Variants in FAR2 observed in about 807,000 individuals in gnomAD.
FAR2 encodes fatty acyl-CoA reductase 2.
A neutral mutation model predicts 56.0 loss-of-function variants in FAR2; 19 were observed. The observed-to-expected ratio is 0.34, with a 90% CI of 0.24 to 0.50. The LOEUF is 0.50. Ranked by LOEUF, FAR2 falls within the 20% of genes least tolerant of loss-of-function variation. The pLI is 0.98. For synonymous variants in FAR2, 219 were observed against 218.8 expected (o/e 1.00, Z -0.01); for missense variants, 508 against 642.2 (o/e 0.79, Z 2.26).
intron 1 of FAR2, among the ~76,000 whole-genome samples, chr12:29,152,929 G>A (rs1164596345): frequency 1.3e-5 from 2 of 152,154 alleles, no homozygotes; most frequent in Non-Finnish European, 2.9e-5. Flanking sequence ...GGGTGCCCAG[G>A]GACCACAGTG....
At chr12:29,237,018 A>G (rs1364627213) in intron 1 of FAR2, among the ~76,000 whole-genome samples, 2 of 152,184 alleles carry the variant, frequency 1.3e-5, no homozygotes, top group East Asian at 3.8e-4. Context: ...TTATTTTGGC[A>G]AATTTGTGTA....
chr12:29,256,544 A>G (rs942041217), intron 1 of FAR2, among the ~76,000 whole-genome samples: 1 of 152,152 alleles, frequency 6.6e-6, no homozygotes, highest in East Asian at 1.9e-4. Context: ...CTTTGGCGGC[A>G]CTTGAGGAGC....
intron 1 of FAR2, among the ~76,000 whole-genome samples, chr12:29,265,927 C>G (rs1490645398): frequency 6.6e-6 from 1 of 152,274 alleles, no homozygotes; most frequent in East Asian, 1.9e-4. Flanking sequence ...CTCAACATCA[C>G]TGATCATTAG....
intron 9 of FAR2, 27 bp from the exon 10 acceptor site, chr12:29,321,768 T>C (rs2136812414): frequency 6.2e-7 from 1 of 1,610,282 alleles, no homozygotes; most frequent in South Asian, 1.1e-5. Context: ...TGCGCTGATA[T>C]TTACTCCTAT....
At chr12:29,322,809 C>G (rs747545489) in intron 10 of FAR2, among the ~76,000 whole-genome samples, 1 of 152,190 alleles carries the variant, frequency 6.6e-6, no homozygotes, top group Non-Finnish European at 1.5e-5. Flanking sequence ...TATCAGATGG[C>G]TGTATTTTCC....
At chr12:29,285,209 C>CCCCGGGCTTT (rs1591928115) in intron 2 of FAR2, among the ~76,000 whole-genome samples, 1 of 67,922 alleles carries the variant, frequency 1.5e-5, no homozygotes, top group Non-Finnish European at 2.9e-5. Context: ...GTTCATGCTT[C>CCCCGGGCTTT]GCTGTATAAA....
In FAR2 at chr12:29,293,493, T is replaced by C; in HGVS notation, c.365+18T>C. 6.6e-7 allele frequency: 1 copy of C among 1,504,504 alleles called. No individual in the cohort carries two copies. Among genetic ancestry groups the C allele is most frequent in the Non-Finnish European group, 8.9e-7 (1 of 1,124,756 alleles). The allele number at this position is 1,504,504 out of a possible 1,614,324, so 93.2% of individuals were successfully genotyped here. ...ACTCTCAGGTACATTCCCATTTCCC[T>C]CTCATGGCTTGTATACATATGTGTG... On this transcript the variant is annotated intron_variant, in intron 3 of 11. Coordinates refer to ENST00000536681, the MANE Select transcript of FAR2 (RefSeq NM_001271783.2).
At chr12:29,267,497 TCAAA>T (rs1047325017) in intron 1 of FAR2, among the ~76,000 whole-genome samples, 3 of 152,196 alleles carry the variant, frequency 2.0e-5, no homozygotes, top group African/African-American at 7.2e-5. Flanking sequence ...GGATTTTACT[TCAAA>T]CAGTCTTGCT....
At chr12:29,260,510 T>C (rs1048342514) in intron 1 of FAR2, among the ~76,000 whole-genome samples, 1 of 152,176 alleles carries the variant, frequency 6.6e-6, no homozygotes, top group Non-Finnish European at 1.5e-5. Context: ...ATATTTGGAC[T>C]CTGGGCCTTA....
chr12:29,198,479 G>A (rs11050115), intron 1 of FAR2, among the ~76,000 whole-genome samples: 38,440 of 151,910 alleles, frequency 0.25, 5,162 homozygotes, highest in East Asian at 0.35. Context: ...CGCCTGCCTC[G>A]GCCTCCCAAA....
intron 1 of FAR2, among the ~76,000 whole-genome samples, chr12:29,156,098 G>A (rs1451734364): frequency 6.6e-6 from 1 of 152,126 alleles, no homozygotes; most frequent in Non-Finnish European, 1.5e-5. Flanking sequence ...AGGGGTGCAG[G>A]GTGTGGGGAG....
At chr12:29,216,491 T>C (rs545027709) in intron 1 of FAR2, among the ~76,000 whole-genome samples, 1 of 152,270 alleles carries the variant, frequency 6.6e-6, no homozygotes, top group African/African-American at 2.4e-5. Flanking sequence ...GATGCTGCAA[T>C]GAGATAAGGA....
intron 2 of FAR2, among the ~76,000 whole-genome samples, chr12:29,290,591 A>G (rs1317755601): frequency 6.6e-6 from 1 of 152,244 alleles, no homozygotes. Flanking sequence ...TAAGATTTGG[A>G]AGCCACCTAA....
chr12:29,291,206 G>A (rs1735980821), intron 2 of FAR2, among the ~76,000 whole-genome samples: 1 of 152,084 alleles, frequency 6.6e-6, no homozygotes, highest in African/African-American at 2.4e-5. Context: ...AAACTAGAGG[G>A]GGAAATATAA....
At chr12:29,153,326 G>T (rs1949696254) in intron 1 of FAR2, among the ~76,000 whole-genome samples, 1 of 151,962 alleles carries the variant, frequency 6.6e-6, no homozygotes, top group African/African-American at 2.4e-5. Flanking sequence ...GAAGCATAGG[G>T]GTTAACTTGA....
At chr12:29,233,593 T>A (rs114522063) in intron 1 of FAR2, among the ~76,000 whole-genome samples, 196 of 152,354 alleles carry the variant, frequency 1.3e-3, no homozygotes, top group African/African-American at 4.7e-3. Context: ...TCTCCTCGTG[T>A]CATAGGTTAA....
chr12:29,183,149 C>G (rs1950008319), intron 1 of FAR2, among the ~76,000 whole-genome samples: 1 of 151,808 alleles, frequency 6.6e-6, no homozygotes, highest in Non-Finnish European at 1.5e-5. Context: ...TTAGAAATAC[C>G]CCTTCTTTTT....
chr12:29,269,624 TG>T (rs1271516490), intron 1 of FAR2, among the ~76,000 whole-genome samples: 2 of 152,258 alleles, frequency 1.3e-5, no homozygotes, highest in Admixed American at 1.3e-4. Context: ...GTTTAGAGAT[TG>T]CAGTAAAGAC....
chr12:29,240,694 G>A (rs1948014937), intron 1 of FAR2, among the ~76,000 whole-genome samples: 1 of 152,128 alleles, frequency 6.6e-6, no homozygotes, highest in East Asian at 1.9e-4. Flanking sequence ...ATTGAAAAAG[G>A]TAACTGAACT....
Sources: gnomAD v4.1 joint callset for allele counts (sites outside exome capture counted in the v4.1 genomes callset) on GRCh38, gnomAD v4.1.1 for gene constraint, MANE v1.5 for transcripts, NCBI Gene and HGNC (gene_info 2026-07-23, HGNC 2026-07-21) for gene names.